CNTNAP4: variants seen among roughly 807,000 people sequenced by gnomAD.
CNTNAP4 encodes the protein contactin-associated protein-like 4.
CNTNAP4 carries 98 observed loss-of-function variants against 148.4 expected under a neutral mutation model. The observed-to-expected ratio is 0.66, with a 90% CI of 0.56 to 0.78. The LOEUF (loss-of-function observed/expected upper bound fraction) is 0.78. CNTNAP4 is among the 30% of genes least tolerant of loss of function. The probability of loss-of-function intolerance (pLI) is 0.00; values close to 1 mark genes in which losing one functional copy is unlikely to be tolerated. For synonymous variants in CNTNAP4, 730 were observed against 565.1 expected, an observed-to-expected ratio of 1.29 and a Z score of -4.14; for missense variants, 1,935 against 1,565.6, an observed-to-expected ratio of 1.24 and a Z score of -3.98.
intron 21 of CNTNAP4, among the ~76,000 whole-genome samples, chr16:76,549,577 G>C (rs1454881993): frequency 1.3e-5 from 2 of 152,096 alleles, no homozygotes; most frequent in Non-Finnish European, 2.9e-5. Flanking sequence ...TATTCAAGGA[G>C]ACAGACAACA....
chr16:76,381,611 C>G (rs1407051018), intron 3 of CNTNAP4, among the ~76,000 whole-genome samples: 1 of 152,134 alleles, frequency 6.6e-6, no homozygotes, highest in African/African-American at 2.4e-5. Context: ...TGGTTTACCT[C>G]TACCCCTCAC....
chr16:76,382,147 A>G (rs1177394690), intron 3 of CNTNAP4, among the ~76,000 whole-genome samples: 2 of 144,670 alleles, frequency 1.4e-5, no homozygotes, highest in East Asian at 4.9e-4. Flanking sequence ...CAGAAGCTAG[A>G]CTTTTTTTTA....
At chr16:76,508,436 A>AT (rs1414913414) in intron 15 of CNTNAP4, among the ~76,000 whole-genome samples, 2 of 95,840 alleles carry the variant, frequency 2.1e-5, no homozygotes, top group Non-Finnish European at 3.0e-5. Flanking sequence ...GTTAATATTA[A>AT]TTTTTTTTAA....
chr16:76,458,586 C>T (rs1232187342), intron 8 of CNTNAP4, among the ~76,000 whole-genome samples: 3 of 152,066 alleles, frequency 2.0e-5, no homozygotes, highest in East Asian at 1.9e-4. Flanking sequence ...CTCGCATGTG[C>T]AGTTCACAAT....
chr16:76,498,126 C>T (rs1041110857), intron 14 of CNTNAP4, among the ~76,000 whole-genome samples: 6 of 152,182 alleles, frequency 3.9e-5, no homozygotes, highest in Admixed American at 3.9e-4. Context: ...CCCAGTGGCT[C>T]ACACCTGTAA....
intron 1 of CNTNAP4, among the ~76,000 whole-genome samples, chr16:76,314,254 C>G (rs2144067853): frequency 6.6e-6 from 1 of 152,218 alleles, no homozygotes; most frequent in African/African-American, 2.4e-5. Flanking sequence ...CAAAGGGATC[C>G]CAATCCAGAG....
At chr16:76,315,406 A>G (rs147468293) in intron 1 of CNTNAP4, among the ~76,000 whole-genome samples, 19 of 152,332 alleles carry the variant, frequency 1.2e-4, no homozygotes, top group Middle Eastern at 3.4e-3. Context: ...AAGTTCAAAT[A>G]TACGTCTAAT....
At chr16:76,294,143 T>C (rs1429743409) in intron 1 of CNTNAP4, among the ~76,000 whole-genome samples, 1 of 152,192 alleles carries the variant, frequency 6.6e-6, no homozygotes, top group Non-Finnish European at 1.5e-5. Flanking sequence ...TGTGAGTTTC[T>C]TCTTCCAGTC....
At chr16:76,526,824 C>A (rs1401040998) in intron 17 of CNTNAP4, among the ~76,000 whole-genome samples, 2 of 151,936 alleles carry the variant, frequency 1.3e-5, no homozygotes, top group African/African-American at 4.8e-5. Flanking sequence ...CAGGTACATG[C>A]CACCACGCTT....
chr16:76,544,275 C>T (rs1291699326), intron 21 of CNTNAP4, among the ~76,000 whole-genome samples: 1 of 151,726 alleles, frequency 6.6e-6, no homozygotes, highest in Non-Finnish European at 1.5e-5. Flanking sequence ...TATAACTGTC[C>T]CATGCTTTTT....
At chr16:76,534,771 A>G (rs2084143048) in intron 17 of CNTNAP4, among the ~76,000 whole-genome samples, 1 of 152,178 alleles carries the variant, frequency 6.6e-6, no homozygotes, top group Non-Finnish European at 1.5e-5. Flanking sequence ...ATTATGTGTT[A>G]CCCATATTTC....
rs184177058 is a variant in CNTNAP4, at chr16:76,540,419, G to A, written c.3355-284G>A. On this transcript the variant is annotated intron_variant, in intron 20 of 23. Transcript: ENST00000611870. ...TCAATTTTGGATTCCTTATCCAGTG[G>A]AGAAAAATAAAATGATACAAGGGGA... Among the ~76,000 whole-genome samples the A allele has an allele frequency of 5.3e-5, 8 of 151,956 alleles. No individual in the cohort carries two copies. In the South Asian group the frequency reaches 8.3e-4, roughly 16 times the overall value.
rs189197467 is a variant in CNTNAP4 at position 76,536,668 on chromosome 16, G to A, written c.2995+884G>A. Among the ~76,000 whole-genome samples, 126 of 152,050 alleles carry A rather than the reference G, an allele frequency of 8.3e-4. 2 individuals carry two copies. The South Asian group carries it at 8.9e-3, about 11-fold the overall frequency. ...TTATACATTAATCATACATTTTATT[G>A]TATGATATGTTGAATATCTGCTGGT... is the stretch of plus-strand genomic sequence containing the variant. On this transcript the variant is annotated intron_variant, in intron 18 of 23. Transcript: ENST00000611870.
chr16:76,296,168 G>A (rs1446930011), intron 1 of CNTNAP4, among the ~76,000 whole-genome samples: 2 of 152,110 alleles, frequency 1.3e-5, no homozygotes, highest in African/African-American at 4.8e-5. Context: ...GATACAAAAT[G>A]TTTTCTAACA....
At chr16:76,388,563 C>T (rs1188853699) in intron 3 of CNTNAP4, among the ~76,000 whole-genome samples, 1 of 152,144 alleles carries the variant, frequency 6.6e-6, no homozygotes, top group Non-Finnish European at 1.5e-5. Flanking sequence ...ACAAACAAAA[C>T]TTAAGCTATC....
At chr16:76,412,397 T>G (rs1446783547) in intron 3 of CNTNAP4, among the ~76,000 whole-genome samples, 1 of 151,392 alleles carries the variant, frequency 6.6e-6, no homozygotes, top group Non-Finnish European at 1.5e-5. Context: ...TCATAAAAAA[T>G]GTATATATTT....
At chr16:76,452,821 A>G (rs1597590815) in intron 8 of CNTNAP4, 52 bp downstream of exon 8, 1 of 1,456,610 alleles carries the variant, frequency 6.9e-7, no homozygotes. Flanking sequence ...AGATTTCATT[A>G]TCTCTGTGGC....
intron 3 of CNTNAP4, among the ~76,000 whole-genome samples, chr16:76,383,457 C>A (rs566395309): frequency 1.4e-5 from 2 of 141,466 alleles, no homozygotes; most frequent in Admixed American, 7.0e-5. Flanking sequence ...AGGTGGGAAA[C>A]ATTATAGAAC....
intron 3 of CNTNAP4, among the ~76,000 whole-genome samples, chr16:76,369,165 T>C (rs13330938): frequency 0.05 from 7,680 of 152,160 alleles, 628 homozygotes; most frequent in African/African-American, 0.17. Context: ...TCCTAAAAGA[T>C]TGGAATGAAA....
Sources: allele counts gnomAD v4.1 joint callset (sites outside exome capture counted in the v4.1 genomes callset), GRCh38; gene constraint gnomAD v4.1.1; transcripts MANE v1.5; gene names NCBI Gene and HGNC (gene_info 2026-07-23, HGNC 2026-07-21).